Variants in ANKFN1 observed in about 807,000 individuals in gnomAD.
The protein encoded by ANKFN1 is ankyrin repeat and fibronectin type-III domain-containing protein 1.
ANKFN1 carries 74 observed loss-of-function variants against 108.7 expected under a neutral mutation model. That is an observed-to-expected ratio of 0.68 (90% CI 0.56 to 0.83). The LOEUF (loss-of-function observed/expected upper bound fraction) is 0.83. ANKFN1 is among the 40% of genes least tolerant of loss of function. The pLI is 0.00. For synonymous variants in ANKFN1, 547 were observed against 516.2 expected (o/e 1.06, Z -0.81); for missense variants, 1,505 against 1,382.3 (o/e 1.09, Z -1.41).
intron 1 of ANKFN1, among the ~76,000 whole-genome samples, chr17:56,187,854 T>C (rs1181513467): frequency 6.6e-6 from 1 of 151,960 alleles, no homozygotes; most frequent in Non-Finnish European, 1.5e-5. Context: ...ACACTGCATG[T>C]TCTCACCCAT....
chr17:56,057,718 G>A (rs752067209), intron 4 of ANKFN1, among the ~76,000 whole-genome samples: 1 of 152,068 alleles, frequency 6.6e-6, no homozygotes, highest in Non-Finnish European at 1.5e-5. Flanking sequence ...CCCAGGAGGC[G>A]GAGGTTGCAG....
At chr17:56,356,068 T>C (rs1162171192) in intron 6 of ANKFN1, among the ~76,000 whole-genome samples, 1 of 152,156 alleles carries the variant, frequency 6.6e-6, no homozygotes, top group Non-Finnish European at 1.5e-5. Flanking sequence ...GTGACTGGCT[T>C]CTTTCTGGAT....
chr17:56,324,752 C>T (rs2045469224), intron 3 of ANKFN1, among the ~76,000 whole-genome samples: 1 of 152,044 alleles, frequency 6.6e-6, no homozygotes, highest in Non-Finnish European at 1.5e-5. Context: ...CAAATAAATC[C>T]AAGGATAGAA....
intron 15 of ANKFN1, among the ~76,000 whole-genome samples, chr17:56,466,922 T>C (rs2145287734): frequency 6.6e-6 from 1 of 152,130 alleles, no homozygotes; most frequent in Non-Finnish European, 1.5e-5. Context: ...CTGGCCAACA[T>C]GGTGAAACCC....
At chr17:56,439,815 C>G (rs915228798) in intron 8 of ANKFN1, among the ~76,000 whole-genome samples, 1 of 151,950 alleles carries the variant, frequency 6.6e-6, no homozygotes, top group Non-Finnish European at 1.5e-5. Flanking sequence ...ACTTGGAGAG[C>G]GAATAGAAGG....
chr17:56,332,074 G>A (rs569529171), intron 4 of ANKFN1, among the ~76,000 whole-genome samples: 7 of 152,186 alleles, frequency 4.6e-5, no homozygotes, highest in South Asian at 2.1e-4. Context: ...CTCCATTTTC[G>A]GTGGTGTTAC....
chr17:56,317,794 T>G (rs534726883), intron 3 of ANKFN1, among the ~76,000 whole-genome samples: 1 of 152,344 alleles, frequency 6.6e-6, no homozygotes, highest in South Asian at 2.1e-4. Flanking sequence ...ACTGTTGCTG[T>G]TGACAACTTC....
Position 56,350,752 on chromosome 17 carries a change from T to C in ANKFN1, c.189-14T>C, listed in dbSNP as rs2046225030. On this transcript the variant is annotated splice_polypyrimidine_tract_variant and intron_variant, in intron 4 of 20. Transcript: ENST00000682825. ...TGGTGTAAAAGATATAACATCGGAC[T>C]TTCCTCTTCTTAGGAATTGTCGTGT... The C allele has an allele frequency of 6.2e-7, 1 of 1,611,760 alleles. No homozygotes were observed. The highest frequency in any genetic ancestry group is 8.5e-7 in the Non-Finnish European group (1 of 1,178,120).
At chr17:56,050,377 G>A (rs1904754306) in intron 4 of ANKFN1, among the ~76,000 whole-genome samples, 1 of 144,138 alleles carries the variant, frequency 6.9e-6, no homozygotes, top group African/African-American at 2.7e-5. Flanking sequence ...CTTTTGCTGT[G>A]CAGAAGCTCT....
intron 7 of ANKFN1, among the ~76,000 whole-genome samples, chr17:56,373,912 G>T (rs150490053): frequency 7.3e-4 from 111 of 152,276 alleles, no homozygotes; most frequent in Non-Finnish European, 1.1e-3. Flanking sequence ...CACCTTCTAC[G>T]TGTTAAGCAA....
intron 8 of ANKFN1, among the ~76,000 whole-genome samples, chr17:56,437,369 T>A (rs2048962885): frequency 6.6e-6 from 1 of 152,230 alleles, no homozygotes; most frequent in African/African-American, 2.4e-5. Context: ...CTGGTATTAT[T>A]CCCACTAATC....
chr17:56,177,389 CAT>C (rs1327791439), intron 1 of ANKFN1, among the ~76,000 whole-genome samples: 10 of 152,332 alleles, frequency 6.6e-5, no homozygotes, highest in South Asian at 4.1e-4. Context: ...TTCCATGATG[CAT>C]ATGTGTGATG....
At position 56,091,986 on chromosome 17, in the gene ANKFN1, AT is replaced by A. The variant is rs966760986; in HGVS notation, c.288+45664del. ...ATGGAAACAAACTTAATTGGATGGC[AT>A]TTCCAAATTGCTGTTACCTCGAAAG... is the stretch of plus-strand genomic sequence containing the variant. On this transcript the variant is annotated intron_variant, in intron 4 of 12. Transcript: ENST00000635860. 7.3e-5 allele frequency among the ~76,000 whole-genome samples: 11 copies of A among 151,534 alleles called. 1 individual carries two copies. The highest frequency in any genetic ancestry group is 1.0e-4 in the Non-Finnish European group (7 of 67,800).
chr17:56,276,758 A>T (rs2043945763), intron 3 of ANKFN1, among the ~76,000 whole-genome samples: 1 of 152,098 alleles, frequency 6.6e-6, no homozygotes, highest in South Asian at 2.1e-4. Context: ...ATTAGCTGAA[A>T]GGGAGTTTAT....
chr17:56,399,826 G>C (rs1486777180), intron 8 of ANKFN1, among the ~76,000 whole-genome samples: 1 of 128,820 alleles, frequency 7.8e-6, no homozygotes, highest in Non-Finnish European at 1.6e-5. Flanking sequence ...TTTTATGGCT[G>C]AGTAGTATTC....
chr17:56,345,814 A>G (rs2046084815), intron 4 of ANKFN1, among the ~76,000 whole-genome samples: 2 of 152,168 alleles, frequency 1.3e-5, no homozygotes, highest in South Asian at 4.1e-4. Context: ...GCAGATTGCA[A>G]AAGTTTTCTC....
chr17:56,280,376 A>G (rs897508343), intron 3 of ANKFN1, among the ~76,000 whole-genome samples: 1 of 152,234 alleles, frequency 6.6e-6, no homozygotes, highest in African/African-American at 2.4e-5. Flanking sequence ...TTAAACTGGG[A>G]TGACCATATT....
rs77761827 is a variant in ANKFN1 at position 56,065,545 on chromosome 17, G to A, written c.288+19220G>A. On this transcript the variant is annotated intron_variant, in intron 4 of 12. Coordinates refer to the ANKFN1 transcript ENST00000635860. ...ATTTCTAGCTTTTGATTTAAAGTGA[G>A]AAAATTGCCATTCTTCCTTTATTTG... 5.9e-3 allele frequency among the ~76,000 whole-genome samples: 894 copies of A among 152,252 alleles called. 6 individuals carry two copies. The highest frequency in any genetic ancestry group is 0.021 in the African/African-American group (861 of 41,546).
At chr17:56,379,049 T>G (rs1285349588) in intron 8 of ANKFN1, among the ~76,000 whole-genome samples, 1 of 152,178 alleles carries the variant, frequency 6.6e-6, no homozygotes, top group East Asian at 1.9e-4. Context: ...TTTGTTAAAT[T>G]TTCATCATTT....
Sources: allele counts gnomAD v4.1 joint callset (sites outside exome capture counted in the v4.1 genomes callset), GRCh38; gene constraint gnomAD v4.1.1; transcripts MANE v1.5; gene names NCBI Gene and HGNC (gene_info 2026-07-23, HGNC 2026-07-21).